The following APBB1IP variants were observed in gnomAD, a reference collection of about 807,000 sequenced individuals.
APBB1IP encodes amyloid beta A4 precursor protein-binding family B member 1-interacting protein.
A neutral mutation model predicts 64.9 loss-of-function variants in APBB1IP; 27 were observed. The observed-to-expected ratio is 0.42, with a 90% confidence interval of 0.31 to 0.57. The LOEUF (loss-of-function observed/expected upper bound fraction) is 0.57, where lower values mean the gene tolerates loss of function less well. Ranked by LOEUF, APBB1IP falls within the 20% of genes least tolerant of loss-of-function variation. The pLI is 0.20. For missense variants in APBB1IP, 812 were observed against 845.5 expected, an observed-to-expected ratio of 0.96 and a Z score of 0.49; for synonymous variants, 392 against 331.0, an observed-to-expected ratio of 1.18 and a Z score of -2.00.
In APBB1IP at chr10:26,560,793, T is replaced by C; in HGVS notation, c.1318T>C (p.Trp440Arg). The C allele has an allele frequency of 6.2e-7, 1 of 1,610,026 alleles. No individual in the cohort carries two copies. The highest frequency in any genetic ancestry group is 8.5e-7 in the Non-Finnish European group (1 of 1,177,928). The change falls in exon 13 of 15, where the codon TGG (tryptophan) becomes CGG (arginine). Residue 440 changes from tryptophan to arginine, a missense_variant. Physicochemically the swap from Trp to Arg is moderately radical, Grantham distance 101. Transcript: ENST00000376236. ...AVAKAGLASR[W>R]TNLGTVNAAA... Reference sequence around the variant, plus strand: ...GGCAAAGGCTGGACTTGCCTCTCGGTGGACAAACTTGGGGACAGTCAATGC... The same window carrying C: ...GGCAAAGGCTGGACTTGCCTCTCGGCGGACAAACTTGGGGACAGTCAATGC...
intron 2 of APBB1IP, among the ~76,000 whole-genome samples, chr10:26,466,947 T>A (rs1242797561): frequency 1.3e-5 from 2 of 151,940 alleles, no homozygotes; most frequent in East Asian, 3.9e-4. Context: ...AAAAAAAAAA[T>A]TATGTAGTTG....
chr10:26,448,079 T>C (rs1835421194), intron 2 of APBB1IP, among the ~76,000 whole-genome samples: 1 of 152,212 alleles, frequency 6.6e-6, no homozygotes, highest in Non-Finnish European at 1.5e-5. Flanking sequence ...ATATTAAATT[T>C]AATGTTTGAA....
In APBB1IP at chr10:26,438,438, A is replaced by C. The variant is rs1835302243; in HGVS notation, c.-220A>C. On this transcript the variant is annotated 5_prime_UTR_variant, in exon 1 of 15. Coordinates refer to ENST00000376236, the MANE Select transcript of APBB1IP (RefSeq NM_019043.4). ...TTCGCCAGGAGACGCTCCTGAGAGA[A>C]GGGCGCGCGCGGCACAGGTAGGGGG... 1 of 151,364 alleles carries C rather than the reference A, an allele frequency of 6.6e-6. No individual in the cohort carries two copies. The highest frequency in any genetic ancestry group is 2.1e-4 in the South Asian group (1 of 4,762). The allele number at this position is 151,364 out of a possible 1,614,324, so 9.4% of individuals were successfully genotyped here.
intron 2 of APBB1IP, among the ~76,000 whole-genome samples, chr10:26,476,108 G>A (rs895267715): frequency 6.0e-5 from 9 of 150,178 alleles, no homozygotes; most frequent in Non-Finnish European, 1.0e-4. Context: ...GCCCAGGCTA[G>A]GGTGCAATGC....
At chr10:26,521,765 T>A (rs1428105573) in intron 8 of APBB1IP, among the ~76,000 whole-genome samples, 2 of 152,164 alleles carry the variant, frequency 1.3e-5, no homozygotes, top group Admixed American at 6.6e-5. Flanking sequence ...TATTATTATT[T>A]TTTGAGATGG....
chr10:26,445,165 A>C (rs1276756453), intron 2 of APBB1IP, among the ~76,000 whole-genome samples: 1 of 151,030 alleles, frequency 6.6e-6, no homozygotes, highest in Non-Finnish European at 1.5e-5. Flanking sequence ...AGAAAGAAAG[A>C]AAGAAAGAAA....
At chr10:26,477,930 G>T (rs775694774) in intron 2 of APBB1IP, among the ~76,000 whole-genome samples, 1 of 152,034 alleles carries the variant, frequency 6.6e-6, no homozygotes, top group Non-Finnish European at 1.5e-5. Flanking sequence ...ATGCTGTGTC[G>T]CCCAGGCTGG....
chr10:26,567,164 G>T lies in APBB1IP; in HGVS notation c.1677G>T (p.Pro559=). Residue 559 remains proline (P), a synonymous_variant, in exon 15 of 15, where the codon CCG becomes CCT. Coordinates refer to ENST00000376236, the MANE Select transcript of APBB1IP (RefSeq NM_019043.4). ...PPDDFLPPPP[P]PPPLDDPELP... is the part of the protein sequence containing the mutation. ...ACGACTTCCTGCCGCCGCCGCCACC[G>T]CCGCCGCCCCTCGATGACCCTGAGC... 7.1e-7 allele frequency: 1 copy of T among 1,414,364 alleles called. No individual in the cohort carries two copies. Among genetic ancestry groups the T allele is most frequent in the Non-Finnish European group, 9.2e-7 (1 of 1,091,180 alleles). The allele number at this position is 1,414,364 out of a possible 1,614,324, so 87.6% of individuals were successfully genotyped here.
At chr10:26,557,090 T>C (rs570948207) in intron 11 of APBB1IP, among the ~76,000 whole-genome samples, 1 of 152,308 alleles carries the variant, frequency 6.6e-6, no homozygotes, top group East Asian at 1.9e-4. Flanking sequence ...CTTTTTGCTA[T>C]CGGGCCATAT....
chr10:26,541,816 A>G, intron 11 of APBB1IP, 124 bp downstream of exon 11: 1 of 645,394 alleles, frequency 1.5e-6, no homozygotes, highest in Non-Finnish European at 2.5e-6. Context: ...TAACCAAAAT[A>G]GGAATGAGGG....
intron 2 of APBB1IP, among the ~76,000 whole-genome samples, chr10:26,443,998 A>G (rs1307413057): frequency 6.6e-6 from 1 of 152,238 alleles, no homozygotes; most frequent in Non-Finnish European, 1.5e-5. Context: ...TAAGCATAAT[A>G]AATAAGTAAA....
intron 8 of APBB1IP, 44 bp from the exon 9 acceptor site, chr10:26,533,395 G>T (rs374088812): frequency 8.1e-7 from 1 of 1,239,250 alleles, no homozygotes; most frequent in South Asian, 1.4e-5. Flanking sequence ...AGTCTAGTAC[G>T]GTAATGAACA....
At chr10:26,488,889 T>A (rs1462520301) in intron 2 of APBB1IP, among the ~76,000 whole-genome samples, 6 of 152,196 alleles carry the variant, frequency 3.9e-5, no homozygotes, top group Non-Finnish European at 8.8e-5. Context: ...ATTCACTGAG[T>A]GGCTTCCTTG....
At chr10:26,484,228 G>C (rs866163673) in intron 2 of APBB1IP, among the ~76,000 whole-genome samples, 1 of 152,034 alleles carries the variant, frequency 6.6e-6, no homozygotes, top group Non-Finnish European at 1.5e-5. Flanking sequence ...CCCAAAACTT[G>C]ATAATCACAA....
At position 26,450,945 on chromosome 10, in the gene APBB1IP, C is replaced by T. The variant is rs897692395; in HGVS notation, c.-1+12092C>T. On this transcript the variant is annotated intron_variant, in intron 2 of 14. Transcript: ENST00000376236. ...TCCTGACCTCAGGAGATCCACCCGC[C>T]TCGTCCTCCCAAAGTGTTGGGATTA... Among the ~76,000 whole-genome samples the T allele has an allele frequency of 3.3e-5, 5 of 152,104 alleles. No homozygotes were observed. The East Asian group carries it at 9.7e-4, about 29-fold the overall frequency.
chr10:26,548,693 A>T (rs1344536347), intron 11 of APBB1IP, among the ~76,000 whole-genome samples: 2 of 152,208 alleles, frequency 1.3e-5, no homozygotes, highest in East Asian at 1.9e-4. Context: ...CCGATTTTCT[A>T]TCGTGAAACT....
At chr10:26,524,516 C>T (rs542085932) in intron 8 of APBB1IP, among the ~76,000 whole-genome samples, 9 of 152,088 alleles carry the variant, frequency 5.9e-5, no homozygotes, top group African/African-American at 2.2e-4. Context: ...AAAAGTATGC[C>T]CCTGGCAGTT....
At position 26,516,543 on chromosome 10, in the gene APBB1IP, C is replaced by CAAAAAAAAAAAAAAAAA. The variant is rs71401901; in HGVS notation, c.813+2885_813+2901dup. On this transcript the variant is annotated intron_variant, in intron 8 of 14. Transcript: ENST00000376236. ...TGGGTGACAGAGCAAGACTCCATCTCAAAAAAAAAAAAAAAAAAGTAAAGC... is the reference window on the plus strand; with the variant it reads ...TGGGTGACAGAGCAAGACTCCATCTCAAAAAAAAAAAAAAAAAAAAAAAAAAAAAAAAAAAGTAAAGC... 3.2e-3 allele frequency among the ~76,000 whole-genome samples: 152 copies of CAAAAAAAAAAAAAAAAA among 47,168 alleles called. 10 individuals are homozygous for CAAAAAAAAAAAAAAAAA. The highest frequency in any genetic ancestry group is 0.012 in the East Asian group (9 of 782). 30.9% of individuals were successfully genotyped at this position (47,168 alleles called of 152,430 possible).
chr10:26,477,636 T>C (rs1281692457), intron 2 of APBB1IP, among the ~76,000 whole-genome samples: 2 of 152,236 alleles, frequency 1.3e-5, no homozygotes, highest in Admixed American at 1.3e-4. Context: ...TTTGAAGATT[T>C]TTCATGACCA....
Sources: gnomAD v4.1 joint callset for allele counts (sites outside exome capture counted in the v4.1 genomes callset) on GRCh38, gnomAD v4.1.1 for gene constraint, MANE v1.5 for transcripts, NCBI Gene and HGNC (gene_info 2026-07-23, HGNC 2026-07-21) for gene names.